TBC1D5: variants seen among roughly 807,000 people sequenced by gnomAD.
The protein encoded by TBC1D5 is TBC1 domain family, member 5.
Under a neutral mutation model 100.3 loss-of-function variants are expected in TBC1D5, and 75 were observed. The ratio of observed to expected loss-of-function variants is 0.75; its 90% confidence interval spans 0.62 to 0.91. The LOEUF is 0.91. Among genes scored for constraint, TBC1D5 ranks in the 40% least tolerant of loss-of-function variants. TBC1D5 has a pLI of 0.00. For synonymous variants in TBC1D5, 323 were observed against 325.6 expected, an observed-to-expected ratio of 0.99 and a Z score of 0.09; for missense variants, 910 against 942.4, an observed-to-expected ratio of 0.97 and a Z score of 0.45.
chr3:17,174,278 CA>C (rs1039407518), intron 19 of TBC1D5, among the ~76,000 whole-genome samples: 4 of 151,872 alleles, frequency 2.6e-5, no homozygotes, highest in Non-Finnish European at 4.4e-5. Flanking sequence ...TACCTGGCAC[CA>C]AAGGTGCCAG....
At chr3:17,189,134 T>C (rs1235930425) in intron 18 of TBC1D5, among the ~76,000 whole-genome samples, 1 of 152,158 alleles carries the variant, frequency 6.6e-6, no homozygotes, top group East Asian at 1.9e-4. Context: ...AATGAGAACA[T>C]ATGGAGAACA....
chr3:17,541,213 G>C (rs1214660309), intron 2 of TBC1D5, among the ~76,000 whole-genome samples: 1 of 143,062 alleles, frequency 7.0e-6, no homozygotes, highest in Non-Finnish European at 1.5e-5. Flanking sequence ...AAAAAAAAAA[G>C]TCATTGGGAT....
At chr3:17,459,676 C>A (rs747308040) in intron 3 of TBC1D5, among the ~76,000 whole-genome samples, 1 of 151,572 alleles carries the variant, frequency 6.6e-6, no homozygotes, top group Admixed American at 6.6e-5. Context: ...AATGGGAGGA[C>A]TGCCTGAGCC....
intron 15 of TBC1D5, among the ~76,000 whole-genome samples, chr3:17,268,304 C>G (rs1445696610): frequency 6.6e-6 from 1 of 152,048 alleles, no homozygotes. Flanking sequence ...ATTGGAAAAC[C>G]AATTACATGC....
chr3:17,693,378 C>A (rs962895665), intron 1 of TBC1D5, among the ~76,000 whole-genome samples: 8 of 152,198 alleles, frequency 5.3e-5, no homozygotes, highest in Non-Finnish European at 2.9e-5. Context: ...CACTCCCACC[C>A]AAAAACTGCG....
At position 17,700,811 on chromosome 3, in the gene TBC1D5, A is replaced by T. The variant is rs550312939; in HGVS notation, c.-101+38532T>A. Among the ~76,000 whole-genome samples the T allele has an allele frequency of 5.9e-5, 9 of 152,340 alleles. No individual in the cohort carries two copies. The South Asian group carries it at 1.7e-3, about 28-fold the overall frequency. On this transcript the variant is annotated intron_variant, in intron 1 of 21. Transcript: ENST00000253692. Reference sequence around the variant, plus strand: ...CCTCACACCAGTGAGAATGGCGATCATTAAAAAGTCAGGAAACAACAGGTG... The same window carrying T: ...CCTCACACCAGTGAGAATGGCGATCTTTAAAAAGTCAGGAAACAACAGGTG...
At chr3:17,741,800 A>ATTTT (rs779385615), upstream of TBC1D5, among the ~76,000 whole-genome samples, 24 of 47,952 alleles carry the variant, frequency 5.0e-4, 2 homozygotes, top group African/African-American at 1.1e-3. Context: ...CTCCCTGCGA[A>ATTTT]TTTTTTTTTT....
chr3:17,646,010 AC>A (rs1239347538), intron 1 of TBC1D5, among the ~76,000 whole-genome samples: 1 of 152,120 alleles, frequency 6.6e-6, no homozygotes, highest in Non-Finnish European at 1.5e-5. Flanking sequence ...CCCTAGTGTC[AC>A]ACAGAGAATG....
chr3:17,639,166 A>G (rs1363647100), intron 1 of TBC1D5, among the ~76,000 whole-genome samples: 2 of 152,198 alleles, frequency 1.3e-5, no homozygotes, highest in South Asian at 2.1e-4. Context: ...AAGACATACT[A>G]GCAATGTAGT....
intron 1 of TBC1D5, among the ~76,000 whole-genome samples, chr3:17,729,146 A>G (rs1228334392): frequency 6.6e-6 from 1 of 151,952 alleles, no homozygotes; most frequent in Non-Finnish European, 1.5e-5. Flanking sequence ...ACAATGATTT[A>G]CAACACCCTC....
chr3:17,200,856 A>G (rs1397185766), intron 18 of TBC1D5, among the ~76,000 whole-genome samples: 1 of 152,226 alleles, frequency 6.6e-6, no homozygotes, highest in African/African-American at 2.4e-5. Context: ...AATCTTATTC[A>G]AGCCAAGTAC....
intron 3 of TBC1D5, among the ~76,000 whole-genome samples, chr3:17,472,863 G>A (rs916206716): frequency 3.3e-5 from 5 of 152,300 alleles, no homozygotes; most frequent in Non-Finnish European, 7.3e-5. Context: ...CTGAATATCT[G>A]ATAGACCTAT....
chr3:17,308,109 G>C (rs776778743), exon 14 of TBC1D5: 2 of 1,595,606 alleles, frequency 1.3e-6, no homozygotes, highest in Non-Finnish European at 1.7e-6. Flanking sequence ...GGGAACTCTC[G>C]TCCAAATAGC....
At chr3:17,560,252 G>T (rs187887832) in intron 2 of TBC1D5, among the ~76,000 whole-genome samples, 3 of 152,286 alleles carry the variant, frequency 2.0e-5, no homozygotes, top group African/African-American at 7.2e-5. Flanking sequence ...AAACAACTCA[G>T]GTACTTCAGT....
At chr3:17,158,025 C>T (rs984537167) in exon 22 of TBC1D5, 1 of 152,222 alleles carries the variant, frequency 6.6e-6, no homozygotes, top group Non-Finnish European at 1.5e-5. Flanking sequence ...TACCTCTGAA[C>T]ATTAGCAGGA....
chr3:17,283,076 T>C (rs910148481), intron 15 of TBC1D5, among the ~76,000 whole-genome samples: 1 of 152,212 alleles, frequency 6.6e-6, no homozygotes, highest in African/African-American at 2.4e-5. Context: ...TGGGATAATA[T>C]CTCCCTGCAA....
intron 8 of TBC1D5, among the ~76,000 whole-genome samples, chr3:17,387,792 T>C (rs189983563): frequency 2.9e-4 from 44 of 150,064 alleles, no homozygotes; most frequent in Non-Finnish European, 5.6e-4. Context: ...CCACACTAGA[T>C]GCAACAATCA....
upstream of TBC1D5, among the ~76,000 whole-genome samples, chr3:17,741,985 G>A (rs971465378): frequency 1.3e-5 from 2 of 152,010 alleles, no homozygotes; most frequent in African/African-American, 4.8e-5. Context: ...TTCGCTTCCG[G>A]CTAGGGAAGG....
chr3:17,187,308 G>GGACT (rs1174795664), intron 18 of TBC1D5, among the ~76,000 whole-genome samples: 1 of 152,128 alleles, frequency 6.6e-6, no homozygotes, highest in Non-Finnish European at 1.5e-5. Flanking sequence ...TAGTTTAAGG[G>GGACT]GACTGCCAGC....
Sources: gnomAD v4.1 joint callset for allele counts (sites outside exome capture counted in the v4.1 genomes callset) on GRCh38, gnomAD v4.1.1 for gene constraint, MANE v1.5 for transcripts, NCBI Gene and HGNC (gene_info 2026-07-23, HGNC 2026-07-21) for gene names.